PARD6G: variants seen among roughly 807,000 people sequenced by gnomAD.
PARD6G encodes the protein par-6 family cell polarity regulator gamma, also known as partitioning defective 6 homolog gamma.
A neutral mutation model predicts 10.7 loss-of-function variants in PARD6G; 7 were observed. The ratio of observed to expected loss-of-function variants is 0.66; its 90% CI spans 0.37 to 1.23. The LOEUF is 1.23. Ranked by LOEUF, PARD6G falls within the 50% of genes most tolerant of loss-of-function variation. The pLI is 0.02. For synonymous variants in PARD6G, 287 were observed against 269.4 expected (o/e 1.07, Z -0.64); for missense variants, 548 against 571.8 (o/e 0.96, Z 0.42).
rs1385535016 is a variant in PARD6G, at chr18:80,180,411, G to T, written c.296-19805C>A. 6.6e-6 allele frequency among the ~76,000 whole-genome samples: 1 copy of T among 152,170 alleles called. No homozygotes were observed. Among genetic ancestry groups the T allele is most frequent in the South Asian group, 2.1e-4 (1 of 4,826 alleles). On this transcript the variant is annotated intron_variant, in intron 2 of 2. Coordinates refer to ENST00000353265, the MANE Select transcript of PARD6G (RefSeq NM_032510.4). The surrounding 1 kb of genome is among the most constrained non-coding windows in gnomAD (Gnocchi z 5.6). ...ATGCAGCACTGTGCTCTTCCTGGGG[G>T]CTGTGGCCTCACAGAGGCTCCCAGG...
Position 80,202,942 on chromosome 18 carries a change from A to G in PARD6G, c.73-10T>C. 1.9e-6 allele frequency: 1 copy of G among 524,002 alleles called. No individual in the cohort carries two copies. Among genetic ancestry groups the G allele is most frequent in the Non-Finnish European group, 3.5e-6 (1 of 288,616 alleles). 32.5% of individuals were successfully genotyped at this position (524,002 alleles called of 1,614,324 possible). A position where few individuals can be genotyped will look rare whatever the true frequency, so the allele number is the denominator to read the frequency against. ...GGAATTCCGCCCCAAACTACAATGC[A>G]AGAGACGGGGTGGGGGGAGGGGCAT... On this transcript the variant is annotated splice_polypyrimidine_tract_variant and intron_variant, in intron 1 of 2. Transcript: ENST00000353265.
chr18:80,236,453 G>A (rs1213088495), intron 1 of PARD6G, among the ~76,000 whole-genome samples: 3 of 152,174 alleles, frequency 2.0e-5, no homozygotes, highest in African/African-American at 7.2e-5. Context: ...AGACAGGGAT[G>A]CCCTCCCTCA....
In PARD6G at chr18:80,189,667, G is replaced by A. The variant is rs901423827; in HGVS notation, c.295+13043C>T. 3.3e-5 allele frequency among the ~76,000 whole-genome samples: 5 copies of A among 152,096 alleles called. No homozygotes were observed. Among genetic ancestry groups the A allele is most frequent in the Admixed American group, 2.6e-4 (4 of 15,278 alleles). ...CCCTGCCTGGCGCACAGACCCTCTG[G>A]ACAAAAACAGCTTCAAGCACGTCCC... On this transcript the variant is annotated intron_variant, in intron 2 of 2. Coordinates refer to ENST00000353265, the MANE Select transcript of PARD6G (RefSeq NM_032510.4). This position sits in a 1 kb window ranked among gnomAD's most constrained non-coding sequence, Gnocchi z 5.5.
At position 80,202,677 on chromosome 18, in the gene PARD6G, C is replaced by T. The variant is rs770948353; in HGVS notation, c.295+33G>A. The stretch of plus-strand genomic sequence containing the variant: ...CTGTATTTTAAAAATGATTTCTCAA[C>T]AAGACCAGCCGGCCACTCAACCACT... On this transcript the variant is annotated intron_variant, in intron 2 of 2. Transcript: ENST00000353265. 7.6e-6 allele frequency: 12 copies of T among 1,577,482 alleles called. No homozygotes were observed. In the African/African-American group the frequency reaches 1.1e-4, roughly 14 times the overall value.
In PARD6G at chr18:80,182,198, T is replaced by C. The variant is rs898698274; in HGVS notation, c.295+20512A>G. ...GAACTTCTGTCTCCTCCTCCCAAAA[T>C]GCCTGTGACCAACTGGGCTGCCTTT... On this transcript the variant is annotated intron_variant, in intron 2 of 2. Transcript: ENST00000353265. The surrounding 1 kb of genome is among the most constrained non-coding windows in gnomAD (Gnocchi z 4.5). Among the ~76,000 whole-genome samples, 2 of 152,218 alleles carry C rather than the reference T, an allele frequency of 1.3e-5. No homozygotes were observed. The highest frequency in any genetic ancestry group is 4.8e-5 in the African/African-American group (2 of 41,454).
chr18:80,210,168 G>A (rs186062622), intron 1 of PARD6G, among the ~76,000 whole-genome samples: 5 of 152,312 alleles, frequency 3.3e-5, no homozygotes, highest in Non-Finnish European at 5.9e-5. Context: ...TGGGAAGCAC[G>A]ACAGGAAAGA....
intron 2 of PARD6G, among the ~76,000 whole-genome samples, chr18:80,198,248 C>T (rs1019944772): frequency 7.2e-5 from 11 of 152,260 alleles, no homozygotes; most frequent in African/African-American, 2.2e-4. Context: ...TGGTATAAGC[C>T]GAGAGCCCTT....
At position 80,159,477 on chromosome 18, in the gene PARD6G, T is replaced by A. The variant is rs1007178769; in HGVS notation, c.*294A>T. 2 of 326,850 alleles carry A rather than the reference T, an allele frequency of 6.1e-6. No individual in the cohort carries two copies. The highest frequency in any genetic ancestry group is 1.1e-5 in the Non-Finnish European group (2 of 184,490). The allele number at this position is 326,850 out of a possible 1,614,324, so 20.2% of individuals were successfully genotyped here. ...TTTAAAAACAAAGTATTTGTAAAAATTTTAAAAAGCATTTTTTTGCACTTG... is the reference window on the plus strand; with the variant it reads ...TTTAAAAACAAAGTATTTGTAAAAAATTTAAAAAGCATTTTTTTGCACTTG... On this transcript the variant is annotated 3_prime_UTR_variant, in exon 3 of 3. Transcript: ENST00000353265.
At chr18:80,168,149 G>A (rs568941955) in intron 2 of PARD6G, among the ~76,000 whole-genome samples, 2 of 152,236 alleles carry the variant, frequency 1.3e-5, no homozygotes, top group East Asian at 1.9e-4. Context: ...CAACCACCCC[G>A]CCTGCTTCCA....
At chr18:80,225,492 C>T (rs763732336) in intron 1 of PARD6G, among the ~76,000 whole-genome samples, 1 of 152,170 alleles carries the variant, frequency 6.6e-6, no homozygotes, top group African/African-American at 2.4e-5. Flanking sequence ...ACTGAATGTC[C>T]CCTTCACAGT....
At chr18:80,164,288 A>G (rs1248459758) in intron 2 of PARD6G, among the ~76,000 whole-genome samples, 1 of 152,078 alleles carries the variant, frequency 6.6e-6, no homozygotes, top group Admixed American at 6.5e-5. Flanking sequence ...CTCCTCCCTC[A>G]AAACACTTAG....
chr18:80,185,777 G>A (rs1482103471), intron 2 of PARD6G, among the ~76,000 whole-genome samples: 2 of 62,626 alleles, frequency 3.2e-5, no homozygotes, highest in Admixed American at 1.6e-4. Context: ...CATATACCCT[G>A]ACATGCTCGC....
intron 1 of PARD6G, among the ~76,000 whole-genome samples, chr18:80,242,765 T>G (rs1243944207): frequency 6.6e-6 from 1 of 152,050 alleles, no homozygotes; most frequent in African/African-American, 2.4e-5. Flanking sequence ...CAGTTGAAAA[T>G]AAATACACAA....
intron 1 of PARD6G, among the ~76,000 whole-genome samples, chr18:80,235,277 G>T (rs1599877243): frequency 1.3e-5 from 2 of 152,126 alleles, no homozygotes; most frequent in Admixed American, 1.3e-4. Context: ...ATAACAAATT[G>T]AAGGCAGAAA....
At chr18:80,240,656 A>T (rs1967479821) in intron 1 of PARD6G, among the ~76,000 whole-genome samples, 1 of 152,152 alleles carries the variant, frequency 6.6e-6, no homozygotes. Flanking sequence ...CTAGAATCTC[A>T]AACCACCTCA....
chr18:80,226,998 T>G (rs933492382), intron 1 of PARD6G, among the ~76,000 whole-genome samples: 1 of 152,194 alleles, frequency 6.6e-6, no homozygotes, highest in Admixed American at 6.5e-5. Flanking sequence ...AGGGTCTTAT[T>G]CTGTTGCCCA....
At position 80,180,462 on chromosome 18, in the gene PARD6G, T is replaced by C. The variant is rs1442765197; in HGVS notation, c.296-19856A>G. 6.6e-6 allele frequency among the ~76,000 whole-genome samples: 1 copy of C among 152,098 alleles called. No homozygotes were observed. The highest frequency in any genetic ancestry group is 1.9e-4 in the East Asian group (1 of 5,190). On this transcript the variant is annotated intron_variant, in intron 2 of 2. Coordinates refer to ENST00000353265, the MANE Select transcript of PARD6G (RefSeq NM_032510.4). This position sits in a 1 kb window ranked among gnomAD's most constrained non-coding sequence, Gnocchi z 5.6. ...CTACACTGGAGGAGGCTCTGCTCCATGGTGTACACCCCCCAGGTATCACCG... is the reference window on the plus strand; with the variant it reads ...CTACACTGGAGGAGGCTCTGCTCCACGGTGTACACCCCCCAGGTATCACCG...
intron 1 of PARD6G, among the ~76,000 whole-genome samples, chr18:80,215,447 CA>C (rs1392741712): frequency 6.6e-5 from 10 of 151,880 alleles, no homozygotes; most frequent in Admixed American, 2.0e-4. Context: ...AATGTTTTGA[CA>C]ATGTTATATG....
intron 1 of PARD6G, among the ~76,000 whole-genome samples, chr18:80,232,257 G>C (rs574958251): frequency 6.6e-6 from 1 of 152,158 alleles, no homozygotes; most frequent in Admixed American, 6.5e-5. Flanking sequence ...GGGTCACCAG[G>C]AGTACTCTGA....
Sources: allele counts gnomAD v4.1 joint callset (sites outside exome capture counted in the v4.1 genomes callset), GRCh38; gene constraint gnomAD v4.1.1; non-coding constraint Gnocchi (gnomAD v3.1); transcripts MANE v1.5; gene names NCBI Gene and HGNC (gene_info 2026-07-23, HGNC 2026-07-21).